SYNE2: variants seen among roughly 807,000 people sequenced by gnomAD.
SYNE2 encodes nesprin-2.
SYNE2 carries 431 observed loss-of-function variants against 856.3 expected under a neutral mutation model. The observed-to-expected ratio is 0.50, with a 90% confidence interval of 0.47 to 0.55. The LOEUF is 0.55. Ranked by LOEUF, SYNE2 falls within the 20% of genes least tolerant of loss-of-function variation. The pLI is 0.00. For missense variants in SYNE2, 8,129 were observed against 8,023.2 expected, an observed-to-expected ratio of 1.01 and a Z score of -0.50; for synonymous variants, 2,923 against 2,872.3, an observed-to-expected ratio of 1.02 and a Z score of -0.56.
rs80279230 is a variant in SYNE2 at position 63,989,007 on chromosome 14, A to C, written c.2314-1404A>C. Among the ~76,000 whole-genome samples, 1,238 of 152,342 alleles carry C rather than the reference A, an allele frequency of 8.1e-3. 8 individuals are homozygous for C. The highest frequency in any genetic ancestry group is 0.017 in the South Asian group (84 of 4,830). On this transcript the variant is annotated intron_variant, in intron 19 of 115. Coordinates refer to ENST00000555002, the MANE Select transcript of SYNE2 (RefSeq NM_182914.3). ...TTATTTTTTGCTAACTTGAGAAGTGAAAAGTGGTATCTCACTTATTGTTTT... is the reference window on the plus strand; with the variant it reads ...TTATTTTTTGCTAACTTGAGAAGTGCAAAGTGGTATCTCACTTATTGTTTT...
Position 64,049,822 on chromosome 14 carries a change from C to G in SYNE2, c.7589C>G (p.Ala2530Gly). Reference sequence around the variant, plus strand: ...CTCAGAGATTTTCAGGAATACCTTGCTGCAGTTGAATCTTCAATGAAAGCC... The same window carrying G: ...CTCAGAGATTTTCAGGAATACCTTGGTGCAGTTGAATCTTCAATGAAAGCC... ...CVLRDFQEYLAAVESSMKALL... is the reference protein window; with the variant it reads ...CVLRDFQEYLGAVESSMKALL... Residue 2530 changes from alanine (A) to glycine (G), a missense_variant, in exon 47 of 116, where the codon GCT becomes GGT. Physicochemically the swap from Ala to Gly is moderately conservative, Grantham distance 60. This residue lies in a region of SYNE2 where 5,410 missense variants were observed against 5,284.8 expected (regional missense o/e 1.02). Transcript: ENST00000555002. 6.2e-7 allele frequency: 1 copy of G among 1,614,136 alleles called. No homozygotes were observed. The highest frequency in any genetic ancestry group is 8.5e-7 in the Non-Finnish European group (1 of 1,180,012).
At chr14:64,168,223 C>T (rs1411590963) in intron 92 of SYNE2, among the ~76,000 whole-genome samples, 2 of 152,142 alleles carry the variant, frequency 1.3e-5, no homozygotes, top group African/African-American at 4.8e-5. Flanking sequence ...CGTGCCTTAC[C>T]CTTCCGAGTA....
chr14:63,996,004 A>T (rs181574170), intron 23 of SYNE2, among the ~76,000 whole-genome samples: 42 of 152,246 alleles, frequency 2.8e-4, no homozygotes, highest in Non-Finnish European at 5.9e-4. Flanking sequence ...TTTTCTCTCC[A>T]GCTGAGTCCT....
intron 1 of SYNE2, among the ~76,000 whole-genome samples, chr14:63,835,294 T>C (rs1450337529): frequency 6.6e-6 from 1 of 152,096 alleles, no homozygotes; most frequent in African/African-American, 2.4e-5. Context: ...AGTACAGTGG[T>C]CCAATCTCAG....
intron 2 of SYNE2, among the ~76,000 whole-genome samples, chr14:63,939,810 TAACAGA>T (rs2095881113): frequency 6.6e-6 from 1 of 152,178 alleles, no homozygotes; most frequent in Admixed American, 6.5e-5. Flanking sequence ...AGCTACCCCA[TAACAGA>T]AACAGGATTT....
At chr14:63,889,807 A>G (rs866814770) in intron 1 of SYNE2, among the ~76,000 whole-genome samples, 2 of 152,086 alleles carry the variant, frequency 1.3e-5, no homozygotes, top group African/African-American at 4.8e-5. Flanking sequence ...ACAGTTTTAC[A>G]TGACATGAGA....
intron 83 of SYNE2, among the ~76,000 whole-genome samples, chr14:64,145,507 C>CAAAA (rs58238268): frequency 1.1e-5 from 1 of 93,720 alleles, no homozygotes; most frequent in African/African-American, 3.4e-5. Flanking sequence ...GACTCCGTCT[C>CAAAA]AAAAAAAAAA....
At chr14:63,936,254 C>G (rs775525036) in intron 2 of SYNE2, among the ~76,000 whole-genome samples, 1 of 152,182 alleles carries the variant, frequency 6.6e-6, no homozygotes, top group Non-Finnish European at 1.5e-5. Flanking sequence ...GGACATAGCA[C>G]AGACAAAGCA....
intron 34 of SYNE2, among the ~76,000 whole-genome samples, chr14:64,019,252 G>A (rs1261197049): frequency 2.1e-5 from 3 of 141,482 alleles, no homozygotes; most frequent in African/African-American, 7.8e-5. Flanking sequence ...CATCCTGAAC[G>A]ACAAAGGGAG....
intron 84 of SYNE2, among the ~76,000 whole-genome samples, chr14:64,150,880 A>C (rs2153702538): frequency 6.6e-6 from 1 of 152,286 alleles, no homozygotes; most frequent in East Asian, 1.9e-4. Flanking sequence ...ACTAAATCTC[A>C]TTGGCAAAGG....
chr14:63,930,953 TG>T (rs1374721544), intron 2 of SYNE2, among the ~76,000 whole-genome samples: 1 of 152,164 alleles, frequency 6.6e-6, no homozygotes, highest in Non-Finnish European at 1.5e-5. Context: ...AACAGAAATT[TG>T]GGTAACCTGG....
chr14:63,949,509 T>A (rs770726816), intron 6 of SYNE2, among the ~76,000 whole-genome samples: 1 of 152,178 alleles, frequency 6.6e-6, no homozygotes, highest in Non-Finnish European at 1.5e-5. Flanking sequence ...TCAGTTCGAT[T>A]TATTTGACAG....
chr14:64,183,258 C>T (rs1374474621), intron 96 of SYNE2, among the ~76,000 whole-genome samples: 1 of 148,412 alleles, frequency 6.7e-6, no homozygotes, highest in African/African-American at 2.5e-5. Flanking sequence ...CGGGCAGAGA[C>T]TCCCCTCACC....
chr14:63,796,405 C>T (rs372182676), intron 1 of SYNE2, among the ~76,000 whole-genome samples: 9 of 152,154 alleles, frequency 5.9e-5, no homozygotes, highest in Admixed American at 2.0e-4. Flanking sequence ...TACAGTAAGA[C>T]GAGATCTCGC....
intron 62 of SYNE2, chr14:64,098,533 C>T: frequency 1.6e-6 from 1 of 619,136 alleles, no homozygotes. Context: ...TGAAGGGGCA[C>T]AGGGGGCCAT....
At chr14:64,146,010 G>T in intron 83 of SYNE2, 58 bp from the exon 84 acceptor site, 2 of 1,263,566 alleles carry the variant, frequency 1.6e-6, no homozygotes, top group Non-Finnish European at 2.2e-6. Context: ...TAACGTCATG[G>T]CATTTACCTT....
Position 64,202,307 on chromosome 14 carries a change from G to A in SYNE2, c.18039-494G>A, listed in dbSNP as rs1596191249. On this transcript the variant is annotated intron_variant, in intron 99 of 115. Coordinates refer to ENST00000555002, the MANE Select transcript of SYNE2 (RefSeq NM_182914.3). Reference sequence around the variant, plus strand: ...GTTCTCTGCTTACTCAGAGAGGAGGGTCCCATGAGAGGCCTTGTGGACCAA... The same window carrying A: ...GTTCTCTGCTTACTCAGAGAGGAGGATCCCATGAGAGGCCTTGTGGACCAA... The A allele has an allele frequency of 5.7e-6, 4 of 702,176 alleles. No individual in the cohort carries two copies. In the East Asian group the frequency reaches 8.0e-5, roughly 14 times the overall value. The allele number at this position is 702,176 out of a possible 1,614,324, so 43.5% of individuals were successfully genotyped here.
chr14:64,211,904 T>A (rs2098643310), intron 103 of SYNE2, 57 bp from the exon 104 acceptor site: 2 of 1,613,058 alleles, frequency 1.2e-6, no homozygotes, highest in East Asian at 4.5e-5. Flanking sequence ...CCTTGCTGTC[T>A]GTCTGAACTC....
chr14:63,998,709 C>T (rs1295667139), intron 26 of SYNE2, among the ~76,000 whole-genome samples: 2 of 152,022 alleles, frequency 1.3e-5, no homozygotes, highest in African/African-American at 4.8e-5. Context: ...TTATAGACAC[C>T]CGCCACCATG....
Sources: allele counts gnomAD v4.1 joint callset (sites outside exome capture counted in the v4.1 genomes callset), GRCh38; gene constraint gnomAD v4.1.1; regional missense constraint gnomAD v4.1.1; transcripts MANE v1.5; gene names NCBI Gene and HGNC (gene_info 2026-07-23, HGNC 2026-07-21).